Variants in GPHN observed in about 807,000 individuals in gnomAD.
GPHN encodes the protein gephyrin.
A neutral mutation model predicts 95.5 loss-of-function variants in GPHN; 17 were observed. That is an observed-to-expected ratio of 0.18 (90% CI 0.12 to 0.27). The LOEUF (loss-of-function observed/expected upper bound fraction) is 0.27. Among genes scored for constraint, GPHN ranks in the 10% least tolerant of loss-of-function variants. GPHN has a pLI of 1.00. For missense variants in GPHN, 660 were observed against 978.1 expected (o/e 0.67, Z 4.34); for synonymous variants, 320 against 322.5 (o/e 0.99, Z 0.08).
At chr14:67,212,598 A>AT in the GPHN span, among the ~76,000 whole-genome samples, 407 of 135,706 alleles carry the variant, frequency 3.0e-3, no homozygotes, top group African/African-American at 0.01. Context: ...TGAAAAAAAA[A>AT]ATATATATAT....
intron 1 of GPHN, among the ~76,000 whole-genome samples, chr14:66,544,883 T>G (rs1250227150): frequency 1.3e-5 from 2 of 151,968 alleles, no homozygotes; most frequent in East Asian, 1.9e-4. Context: ...CAGCACATGT[T>G]TCAGAGAGCA....
intron 2 of GPHN, among the ~76,000 whole-genome samples, chr14:66,743,450 A>T (rs9989182): frequency 0.31 from 47,333 of 152,100 alleles, 11,190 homozygotes; most frequent in African/African-American, 0.64. Context: ...TCACTAGAGC[A>T]TCCAGAAAAG....
intron 1 of GPHN, among the ~76,000 whole-genome samples, chr14:66,536,412 T>C (rs2059148191): frequency 6.6e-6 from 1 of 152,232 alleles, no homozygotes; most frequent in Non-Finnish European, 1.5e-5. Flanking sequence ...TAAACGTTAC[T>C]TTGTCATAAT....
intron 13 of GPHN, among the ~76,000 whole-genome samples, chr14:67,109,932 A>G (rs2078270562): frequency 6.6e-6 from 1 of 152,220 alleles, no homozygotes; most frequent in Non-Finnish European, 1.5e-5. Flanking sequence ...TAAAGTACAC[A>G]TAAAATCAGC....
intron 1 of GPHN, among the ~76,000 whole-genome samples, chr14:66,543,185 C>T (rs1264190387): frequency 1.3e-5 from 2 of 152,108 alleles, no homozygotes; most frequent in Non-Finnish European, 2.9e-5. Flanking sequence ...CCAGGCCCCA[C>T]CCCCAGCATT....
the GPHN span, among the ~76,000 whole-genome samples, chr14:67,256,451 G>A: frequency 1.3e-5 from 2 of 152,088 alleles, no homozygotes; most frequent in Admixed American, 1.3e-4. Flanking sequence ...AATTTTAACA[G>A]TGTATTTTAT....
At chr14:66,780,985 A>G (rs2059585426) in intron 3 of GPHN, among the ~76,000 whole-genome samples, 1 of 152,220 alleles carries the variant, frequency 6.6e-6, no homozygotes, top group African/African-American at 2.4e-5. Flanking sequence ...TTAAAATAAT[A>G]TGACTGATTA....
intron 2 of GPHN, among the ~76,000 whole-genome samples, chr14:66,691,787 T>C (rs965440862): frequency 1.3e-5 from 2 of 152,200 alleles, no homozygotes; most frequent in African/African-American, 4.8e-5. Flanking sequence ...TTCAAGATAG[T>C]GTACACTGGG....
At chr14:67,641,403 C>T in the GPHN span, among the ~76,000 whole-genome samples, 1 of 152,126 alleles carries the variant, frequency 6.6e-6, no homozygotes, top group Non-Finnish European at 1.5e-5. Flanking sequence ...GCCAGATGGC[C>T]TAGATTTGGA....
At chr14:67,179,511 A>G in intron 21 of GPHN, 67 bp from the exon 22 acceptor site, 4 of 887,360 alleles carry the variant, frequency 4.5e-6, no homozygotes, top group Middle Eastern at 2.6e-4. Context: ...CACAACCCCT[A>G]CTATCTTGTA....
intron 1 of GPHN, among the ~76,000 whole-genome samples, chr14:66,525,148 C>T (rs1262259457): frequency 6.6e-6 from 1 of 152,182 alleles, no homozygotes; most frequent in Non-Finnish European, 1.5e-5. Flanking sequence ...TACATCCTCT[C>T]CAGCATCTGT....
chr14:67,711,449 T>C, the GPHN span, among the ~76,000 whole-genome samples: 1 of 152,216 alleles, frequency 6.6e-6, no homozygotes, highest in Non-Finnish European at 1.5e-5. Flanking sequence ...TTTACTTAAG[T>C]TACATGAACT....
At chr14:67,536,988 C>A in the GPHN span, among the ~76,000 whole-genome samples, 2 of 150,276 alleles carry the variant, frequency 1.3e-5, no homozygotes, top group Admixed American at 1.3e-4. Context: ...TGCAGTGAGC[C>A]GAGATTGCAC....
At chr14:66,674,140 C>G (rs2066455616) in intron 1 of GPHN, among the ~76,000 whole-genome samples, 1 of 151,670 alleles carries the variant, frequency 6.6e-6, no homozygotes, top group South Asian at 2.1e-4. Context: ...GCTCTGTCCC[C>G]CAGGCTGGAG....
chr14:67,224,087 A>T, the GPHN span: 1 of 801,440 alleles, frequency 1.2e-6, no homozygotes, highest in South Asian at 5.7e-5. Flanking sequence ...TCTCAAATTC[A>T]TCTCTCAAAC....
chr14:67,514,962 G>A, the GPHN span: 6,226 of 135,518 alleles, frequency 0.046, 165 homozygotes, highest in Non-Finnish European at 0.07. Flanking sequence ...CCCCAAGTCC[G>A]GTCGCCCAGT....
the GPHN span, among the ~76,000 whole-genome samples, chr14:67,306,235 G>A: frequency 6.6e-6 from 1 of 152,066 alleles, no homozygotes. Context: ...CTCCCAAAGT[G>A]CTGGGATTAC....
the GPHN span, chr14:67,656,651 T>C: frequency 1.3e-6 from 2 of 1,516,058 alleles, no homozygotes; most frequent in East Asian, 2.3e-5. Context: ...TGCCAGCATA[T>C]TCCTCATCAC....
the GPHN span, among the ~76,000 whole-genome samples, chr14:67,431,946 A>T: frequency 5.9e-5 from 9 of 152,182 alleles, no homozygotes; most frequent in African/African-American, 1.9e-4. Flanking sequence ...AAAAGCAAAC[A>T]TCTTTATTTA....
Sources: allele counts gnomAD v4.1 joint callset (sites outside exome capture counted in the v4.1 genomes callset), GRCh38; gene constraint gnomAD v4.1.1; transcripts MANE v1.5; gene names NCBI Gene and HGNC (gene_info 2026-07-23, HGNC 2026-07-21).